Variants in FER1L6 observed in about 807,000 individuals in gnomAD.
FER1L6 encodes fer-1 like family member 6.
FER1L6 carries 177 observed loss-of-function variants against 219.2 expected under a neutral mutation model. The ratio of observed to expected loss-of-function variants is 0.81; its 90% confidence interval spans 0.71 to 0.91. The LOEUF (loss-of-function observed/expected upper bound fraction) is 0.91. FER1L6 is among the 40% of genes least tolerant of loss of function. The pLI, the probability that FER1L6 is intolerant of heterozygous loss-of-function variation, is 0.00. For synonymous variants in FER1L6, 768 were observed against 824.3 expected (o/e 0.93, Z 1.17); for missense variants, 2,153 against 2,259.9 (o/e 0.95, Z 0.96).
At chr8:124,011,858 T>C (rs1425020570) in intron 14 of FER1L6, among the ~76,000 whole-genome samples, 1 of 152,258 alleles carries the variant, frequency 6.6e-6, no homozygotes, top group Non-Finnish European at 1.5e-5. Context: ...GTTCAATAAC[T>C]ATTTGCCACT....
intron 19 of FER1L6, among the ~76,000 whole-genome samples, chr8:124,037,420 G>A (rs1032826459): frequency 6.6e-6 from 1 of 152,180 alleles, no homozygotes; most frequent in Non-Finnish European, 1.5e-5. Context: ...ATTTTAAGGG[G>A]CTCCCTTGCC....
At chr8:124,003,532 C>T (rs1285775272) in intron 13 of FER1L6, among the ~76,000 whole-genome samples, 185 bp downstream of exon 13, 9 of 136,422 alleles carry the variant, frequency 6.6e-5, no homozygotes, top group African/African-American at 1.4e-4. Context: ...TGCAGTGGCA[C>T]GATCTCAGCT....
At chr8:124,066,601 G>C in intron 27 of FER1L6, 51 bp downstream of exon 27, 1 of 1,598,362 alleles carries the variant, frequency 6.3e-7, no homozygotes, top group Non-Finnish European at 8.5e-7. Context: ...AGGAAACACA[G>C]CACCTTCTCC....
Position 123,866,037 on chromosome 8 carries a change from T to C in FER1L6, c.-8+13852T>C, listed in dbSNP as rs1034082062. Among the ~76,000 whole-genome samples the C allele has an allele frequency of 2.0e-5, 3 of 151,728 alleles. No homozygotes were observed. The East Asian group carries it at 5.8e-4, about 29-fold the overall frequency. On this transcript the variant is annotated intron_variant, in intron 1 of 40. Coordinates refer to ENST00000522917, the MANE Select transcript of FER1L6 (RefSeq NM_001039112.2). ...ATTTTCTTAATCCAGTCTATCACTG[T>C]TGGACATTTGGGTTGGTTCCAAGTC...
In FER1L6 at chr8:123,891,249, A is replaced by G. The variant is rs1812644040; in HGVS notation, c.-8+39064A>G. ...GAAAGTTACTTAATCAATTGTCAGT[A>G]CTGTATCTAGAAACCAATCTTGGAA... is the stretch of plus-strand genomic sequence containing the variant. On this transcript the variant is annotated intron_variant, in intron 1 of 40. Transcript: ENST00000522917. 2.0e-5 allele frequency among the ~76,000 whole-genome samples: 3 copies of G among 152,208 alleles called. No homozygotes were observed. In the South Asian group the frequency reaches 6.2e-4, roughly 32 times the overall value.
intron 39 of FER1L6, among the ~76,000 whole-genome samples, chr8:124,108,108 T>G (rs548256017): frequency 8.5e-5 from 13 of 152,236 alleles, no homozygotes; most frequent in African/African-American, 3.1e-4. Flanking sequence ...ACCTGTAGTC[T>G]CAGCTACTTG....
rs765803244 is a variant in FER1L6 at position 124,101,245 on chromosome 8, A to G, written c.5032A>G (p.Ile1678Val). Residue 1678 changes from isoleucine (I) to valine (V), a missense_variant, in exon 38 of 41, where the codon ATC becomes GTC. Ile to Val is a conservative substitution (Grantham distance 29). Transcript: ENST00000522917. ...AATGGTCATTACCAAGAGGGAGAAC[A>G]TCTTCTCTTTAGAGAAGATGGAGTG... The part of the protein sequence containing the change: ...KQMVITKREN[I>V]FSLEKMECKT... The G allele has an allele frequency of 6.8e-6, 11 of 1,613,950 alleles. No homozygotes were observed. Among genetic ancestry groups the G allele is most frequent in the Non-Finnish European group, 8.5e-6 (10 of 1,179,940 alleles).
At chr8:123,978,427 G>A (rs1223155879) in intron 10 of FER1L6, among the ~76,000 whole-genome samples, 3 of 151,966 alleles carry the variant, frequency 2.0e-5, no homozygotes, top group Non-Finnish European at 4.4e-5. Flanking sequence ...CTAATCCACT[G>A]AGCCAGCCAG....
At chr8:123,967,962 A>G (rs914851459) in intron 5 of FER1L6, among the ~76,000 whole-genome samples, 1 of 152,112 alleles carries the variant, frequency 6.6e-6, no homozygotes, top group Non-Finnish European at 1.5e-5. Context: ...TCTCAGGAAA[A>G]AAAAAAAAAT....
rs779012175 is a variant in FER1L6, at chr8:123,936,462, G to GTTTTTTT, written c.-7-19512_-7-19506dup. 4.1e-4 allele frequency among the ~76,000 whole-genome samples: 40 copies of GTTTTTTT among 97,950 alleles called. 3 individuals are homozygous for GTTTTTTT. The highest frequency in any genetic ancestry group is 9.8e-4 in the African/African-American group (25 of 25,606). The allele number at this position is 97,950 out of a possible 152,430, so 64.3% of individuals were successfully genotyped here. A position where few individuals can be genotyped will look rare whatever the true frequency, so the allele number is the denominator to read the frequency against. On this transcript the variant is annotated intron_variant, in intron 1 of 40. Coordinates refer to ENST00000522917, the MANE Select transcript of FER1L6 (RefSeq NM_001039112.2). ...TTTAGATAAAAGATAATTGCAGCCT[G>GTTTTTTT]TTTTTTTTTTTTTTTTTTTTTTTTG...
chr8:124,016,138 G>C (rs1818190628), intron 15 of FER1L6: 1 of 152,378 alleles, frequency 6.6e-6, no homozygotes, highest in African/African-American at 2.4e-5. Context: ...GAAAGGAAAG[G>C]GATCAGAAGT....
chr8:124,004,944 G>A (rs1817591487), intron 13 of FER1L6, among the ~76,000 whole-genome samples: 1 of 150,986 alleles, frequency 6.6e-6, no homozygotes, highest in Admixed American at 6.6e-5. Context: ...GTTGCAGTGA[G>A]CAGAGATCGC....
chr8:123,985,349 C>A (rs1300776887), intron 11 of FER1L6: 1 of 152,228 alleles, frequency 6.6e-6, no homozygotes, highest in Admixed American at 6.5e-5. Flanking sequence ...ATGTAGCCCA[C>A]CCTGGATACA....
At chr8:123,941,114 G>C (rs1482513206) in intron 1 of FER1L6, among the ~76,000 whole-genome samples, 1 of 152,182 alleles carries the variant, frequency 6.6e-6, no homozygotes, top group Non-Finnish European at 1.5e-5. Context: ...GGGGTGATAA[G>C]GGTAAACCAA....
At chr8:124,114,412 A>G (rs1293091724) in intron 39 of FER1L6, among the ~76,000 whole-genome samples, 1 of 152,190 alleles carries the variant, frequency 6.6e-6, no homozygotes, top group East Asian at 1.9e-4. Flanking sequence ...AGAATCTAGA[A>G]GTAAAATCAC....
At position 123,966,245 on chromosome 8, in the gene FER1L6, G is replaced by T. The variant is rs544428061; in HGVS notation, c.339G>T (p.Lys113Asn). 1.2e-6 allele frequency: 2 copies of T among 1,614,050 alleles called. No individual in the cohort carries two copies. The highest frequency in any genetic ancestry group is 3.3e-5 in the Admixed American group (2 of 60,000). Residue 113 changes from lysine to asparagine, a missense_variant, in exon 5 of 41, where the codon AAG (lysine) becomes AAT (asparagine). Physicochemically the swap from Lys to Asn is moderately conservative, Grantham distance 94. Transcript: ENST00000522917. Reference sequence around the variant, plus strand: ...CCATTGAGATTGGGGATGAGAAGAAGCAAAGCACAGTGAAGGAAGGAACCA... The same window carrying T: ...CCATTGAGATTGGGGATGAGAAGAATCAAAGCACAGTGAAGGAAGGAACCA... ...VVTIEIGDEKKQSTVKEGTNS... is the reference protein window; with the variant it reads ...VVTIEIGDEKNQSTVKEGTNS...
intron 26 of FER1L6, among the ~76,000 whole-genome samples, chr8:124,065,543 G>A (rs1453123143): frequency 4.6e-5 from 7 of 152,054 alleles, no homozygotes; most frequent in African/African-American, 9.7e-5. Context: ...CATGGTCAGC[G>A]ACCCTCTGTG....
chr8:123,913,839 GAAAA>G (rs531900414), intron 1 of FER1L6, among the ~76,000 whole-genome samples: 1 of 140,984 alleles, frequency 7.1e-6, no homozygotes, highest in Non-Finnish European at 1.6e-5. Context: ...TAATTTTCTT[GAAAA>G]AAAAAAAACT....
intron 6 of FER1L6, among the ~76,000 whole-genome samples, chr8:123,972,094 G>A (rs935358132): frequency 6.6e-6 from 1 of 152,218 alleles, no homozygotes; most frequent in Non-Finnish European, 1.5e-5. Flanking sequence ...CTGCAAGCAT[G>A]TTGGATTTTG....
Sources: allele counts gnomAD v4.1 joint callset (sites outside exome capture counted in the v4.1 genomes callset), GRCh38; gene constraint gnomAD v4.1.1; transcripts MANE v1.5; gene names NCBI Gene and HGNC (gene_info 2026-07-23, HGNC 2026-07-21).